RPS3A: variants seen among roughly 807,000 people sequenced by gnomAD.
RPS3A encodes ribosomal protein S3A.
Under a neutral mutation model 26.4 loss-of-function variants are expected in RPS3A, and 1 was observed. The ratio of observed to expected loss-of-function variants is 0.04; its 90% CI spans 0.01 to 0.18. The LOEUF is 0.18. RPS3A is among the 10% of genes least tolerant of loss of function. The pLI, the probability that RPS3A is intolerant of heterozygous loss-of-function variation, is 1.00. For synonymous variants in RPS3A, 97 were observed against 106.1 expected, an observed-to-expected ratio of 0.91 and a Z score of 0.53; for missense variants, 139 against 326.8, an observed-to-expected ratio of 0.43 and a Z score of 4.43.
chr4:151,103,787 A>ACTGAATAGAC (rs1747236022), intron 4 of RPS3A: 1 of 1,342,498 alleles, frequency 7.4e-7, no homozygotes. Flanking sequence ...GAAAAAATAC[A>ACTGAATAGAC]CTGAATAGAC....
chr4:151,101,772 G>A (rs1047647574), intron 3 of RPS3A, among the ~76,000 whole-genome samples: 16 of 152,182 alleles, frequency 1.1e-4, no homozygotes, highest in East Asian at 5.8e-4. Context: ...GTCTCTTATC[G>A]TCCGGGCTGG....
intron 1 of RPS3A, among the ~76,000 whole-genome samples, chr4:151,100,137 T>C (rs2149702830): frequency 6.6e-6 from 1 of 152,326 alleles, no homozygotes; most frequent in East Asian, 1.9e-4. Flanking sequence ...CCATGCAGTC[T>C]CTTAGTTACC....
Position 151,100,966 on chromosome 4 carries a change from C to G in RPS3A, c.167-9C>G. On this transcript the variant is annotated splice_polypyrimidine_tract_variant and intron_variant, in intron 2 of 5. Coordinates refer to ENST00000274065, the MANE Select transcript of RPS3A (RefSeq NM_001006.5). ...TAAATGTTAAGATACTTGTTTTTTT[C>G]TTTTGTAGAAATTGCATCTGATGGT... The G allele has an allele frequency of 6.4e-7, 1 of 1,553,070 alleles. No individual in the cohort carries two copies. Among genetic ancestry groups the G allele is most frequent in the Non-Finnish European group, 8.7e-7 (1 of 1,150,604 alleles).
intron 4 of RPS3A, 25 bp downstream of exon 4, chr4:151,103,104 A>G: frequency 1.9e-6 from 3 of 1,587,834 alleles, no homozygotes; most frequent in Admixed American, 1.7e-5. Flanking sequence ...GCTTCCTCAC[A>G]CAACACAACC....
At chr4:151,104,440 T>TTG in intron 5 of RPS3A, 32 bp from the exon 6 acceptor site, 1 of 835,380 alleles carries the variant, frequency 1.2e-6, no homozygotes, top group Non-Finnish European at 1.4e-6. Context: ...AGTTTTTTGG[T>TTG]TTTTTTTTTT....
chr4:151,100,464 A>T, intron 1 of RPS3A, 21 bp from the exon 2 acceptor site: 1 of 1,283,252 alleles, frequency 7.8e-7, no homozygotes, highest in South Asian at 1.2e-5. Flanking sequence ...AATGGAACTT[A>T]AGCATCTTCT....
intron 4 of RPS3A, chr4:151,103,740 A>C: frequency 8.6e-7 from 1 of 1,159,082 alleles, no homozygotes; most frequent in Non-Finnish European, 1.1e-6. Context: ...TGTCCCAAAA[A>C]ATAAAAAATA....
chr4:151,102,777 G>C, intron 3 of RPS3A, 94 bp from the exon 4 acceptor site: 1 of 1,292,914 alleles, frequency 7.7e-7, no homozygotes, highest in African/African-American at 1.5e-5. Flanking sequence ...ATTTAATAAT[G>C]AGTGTTTGAC....
rs1297181143 is a variant in RPS3A, at chr4:151,102,925, C to T, written c.409C>T (p.Leu137=). 2 of 1,612,214 alleles carry T rather than the reference C, an allele frequency of 1.2e-6. No homozygotes were observed. Among genetic ancestry groups the T allele is most frequent in the South Asian group, 2.2e-5 (2 of 90,926 alleles). ...GACTACCGATGGTTACTTGCTTCGTCTGTTCTGTGTTGGTTTTACTAAAAA... is the reference window on the plus strand; with the variant it reads ...GACTACCGATGGTTACTTGCTTCGTTTGTTCTGTGTTGGTTTTACTAAAAA... The part of the protein sequence containing the change: ...VKTTDGYLLR[L]FCVGFTKKRN... The change falls in exon 4 of 6, where the codon CTG becomes TTG. Residue 137 remains leucine, a synonymous_variant. Transcript: ENST00000274065.
Position 151,099,645 on chromosome 4 carries a change from C to T in RPS3A, c.-8C>T, listed in dbSNP as rs770898940. 3.1e-6 allele frequency: 5 copies of T among 1,613,622 alleles called. No homozygotes were observed. The African/African-American group carries it at 5.3e-5, about 17-fold the overall frequency. ...CACTTCCGCCCTTTTGGCTCTCTGA[C>T]CAGCACCATGGCGGTTGGCAAGAAC... On this transcript the variant is annotated 5_prime_UTR_variant, in exon 1 of 6. Transcript: ENST00000274065.
intron 3 of RPS3A, chr4:151,102,062 A>ATG: frequency 1.9e-6 from 1 of 518,488 alleles, no homozygotes; most frequent in Non-Finnish European, 3.8e-6. Context: ...GTGGGAATGA[A>ATG]TGATGACAAA....
At chr4:151,100,660 G>A in intron 2 of RPS3A, 72 bp downstream of exon 2, 2 of 921,746 alleles carry the variant, frequency 2.2e-6, no homozygotes, top group Non-Finnish European at 3.6e-6. Context: ...ATCTTGGTCT[G>A]TTGTTGGTCC....
intron 3 of RPS3A, 63 bp from the exon 4 acceptor site, chr4:151,102,808 G>A (rs1333469650): frequency 6.6e-7 from 1 of 1,516,888 alleles, no homozygotes; most frequent in Non-Finnish European, 8.9e-7. Context: ...TTTAAAATTA[G>A]AACTTGAGGG....
intron 1 of RPS3A, chr4:151,099,941 G>T (rs1295737424): frequency 3.0e-6 from 2 of 670,512 alleles, no homozygotes; most frequent in African/African-American, 3.6e-5. Context: ...GTTTGAGCCG[G>T]CTTGCCGGCG....
At chr4:151,100,246 A>G (rs888694942) in intron 1 of RPS3A, among the ~76,000 whole-genome samples, 8 of 152,174 alleles carry the variant, frequency 5.3e-5, no homozygotes, top group South Asian at 2.1e-4. Flanking sequence ...GTGCCTGTGT[A>G]GTGGATGGAC....
At chr4:151,104,439 GTTTT>G (rs386401872) in intron 5 of RPS3A, 29 bp from the exon 6 acceptor site, 781 of 710,982 alleles carry the variant, frequency 1.1e-3, no homozygotes, top group East Asian at 3.6e-3. Context: ...CAGTTTTTTG[GTTTT>G]TTTTTTTTTT....
intron 4 of RPS3A, 76 bp from the exon 5 acceptor site, chr4:151,104,101 C>T: frequency 6.7e-7 from 1 of 1,495,704 alleles, no homozygotes; most frequent in African/African-American, 1.6e-5. Context: ...TCCAAGGCTT[C>T]TCTACTTTTA....
At chr4:151,103,659 CA>C in intron 4 of RPS3A, 1 of 1,074,706 alleles carries the variant, frequency 9.3e-7, no homozygotes, top group Middle Eastern at 4.6e-4. Context: ...CCCAGCTACT[CA>C]GGAGGCTGAG....
intron 3 of RPS3A, among the ~76,000 whole-genome samples, chr4:151,102,525 C>T (rs756886626): frequency 3.0e-4 from 46 of 151,782 alleles, no homozygotes; most frequent in Non-Finnish European, 2.1e-4. Flanking sequence ...CTATTTTCCT[C>T]TGGTGTAGTT....
Sources: gnomAD v4.1 joint callset for allele counts (sites outside exome capture counted in the v4.1 genomes callset) on GRCh38, gnomAD v4.1.1 for gene constraint, MANE v1.5 for transcripts, NCBI Gene and HGNC (gene_info 2026-07-23, HGNC 2026-07-21) for gene names.